PARVA: variants seen among roughly 807,000 people sequenced by gnomAD.
The protein encoded by PARVA is alpha-parvin.
In PARVA, 25 loss-of-function variants were observed where a neutral mutation model predicts 52.6. The observed-to-expected ratio is 0.48, with a 90% CI of 0.35 to 0.66. The LOEUF (loss-of-function observed/expected upper bound fraction) is 0.66. Ranked by LOEUF, PARVA falls within the 30% of genes least tolerant of loss-of-function variation. PARVA has a pLI of 0.01. For missense variants in PARVA, 373 were observed against 450.9 expected (o/e 0.83, Z 1.56); for synonymous variants, 185 against 179.1 (o/e 1.03, Z -0.26).
chr11:12,511,410 C>T, intron 7 of PARVA, 104 bp from the exon 8 acceptor site: 1 of 1,248,416 alleles, frequency 8.0e-7, no homozygotes, highest in Non-Finnish European at 1.2e-6. Context: ...TGGCAGGCAG[C>T]ATGGGGTGGG....
chr11:12,456,825 G>T (rs1233677639), intron 1 of PARVA, among the ~76,000 whole-genome samples: 1 of 152,026 alleles, frequency 6.6e-6, no homozygotes, highest in African/African-American at 2.4e-5. Flanking sequence ...CTGTACTCTG[G>T]GGCTGGTTCT....
intron 1 of PARVA, among the ~76,000 whole-genome samples, chr11:12,429,633 T>C (rs1229976253): frequency 6.6e-6 from 1 of 152,200 alleles, no homozygotes; most frequent in Non-Finnish European, 1.5e-5. Context: ...ATTTCATCAG[T>C]CCACTAACCT....
At position 12,390,795 on chromosome 11, in the gene PARVA, A is replaced by T. The variant is rs114379795; in HGVS notation, c.136+13012A>T. Among the ~76,000 whole-genome samples the T allele has an allele frequency of 3.6e-3, 552 of 152,308 alleles. 1 individual carries two copies. The highest frequency in any genetic ancestry group is 0.013 in the African/African-American group (528 of 41,574). On this transcript the variant is annotated intron_variant, in intron 1 of 12. Transcript: ENST00000334956. ...CCCTGGTGAGGCAGACCTGCAGATG[A>T]CAGGTAATTAATAATGACAGCTGGG...
chr11:12,433,575 T>C (rs575677686), intron 1 of PARVA, among the ~76,000 whole-genome samples: 2 of 152,328 alleles, frequency 1.3e-5, no homozygotes, highest in Non-Finnish European at 2.9e-5. Context: ...AGGCATTTCA[T>C]AGAAGCACTT....
rs780347455 is a variant in PARVA at position 12,473,951 on chromosome 11, C to T, written c.265C>T (p.Arg89Cys). The change falls in exon 3 of 13, where the codon CGC (arginine) becomes TGC (cysteine). Residue 89 changes from arginine (R) to cysteine (C), a missense_variant. Transcript: ENST00000334956. The part of the protein sequence containing the change: ...EVRTMVDPNS[R>C]SDPKLQELMK... ...GCGAACAATGGTGGATCCAAACTCA[C>T]GCAGTGACCCCAAGCTTCAAGAACT... 16 of 1,582,404 alleles carry T rather than the reference C, an allele frequency of 1.0e-5. No homozygotes were observed. In the East Asian group the frequency reaches 1.2e-4, roughly 11 times the overall value.
At chr11:12,515,597 C>T (rs1265472366) in intron 10 of PARVA, among the ~76,000 whole-genome samples, 5 of 152,196 alleles carry the variant, frequency 3.3e-5, no homozygotes, top group East Asian at 3.9e-4. Context: ...AAGCCTGGCA[C>T]TCAGAGCTGT....
At chr11:12,408,411 CA>C (rs1689057279) in intron 1 of PARVA, among the ~76,000 whole-genome samples, 1 of 152,226 alleles carries the variant, frequency 6.6e-6, no homozygotes, top group Admixed American at 6.5e-5. Context: ...TGGGCCACAG[CA>C]GCCTCTCAGG....
At chr11:12,477,521 G>C (rs899079278) in intron 3 of PARVA, among the ~76,000 whole-genome samples, 23 of 152,182 alleles carry the variant, frequency 1.5e-4, no homozygotes, top group Admixed American at 1.4e-3. Context: ...AAGAAGGCCA[G>C]TAGGGCTCAC....
chr11:12,481,052 G>GTGAC (rs1281902301), intron 4 of PARVA, among the ~76,000 whole-genome samples: 2 of 151,298 alleles, frequency 1.3e-5, no homozygotes, highest in African/African-American at 4.8e-5. Context: ...TCATTATAAA[G>GTGAC]TGACTGTTTT....
At chr11:12,497,570 C>T (rs1052882015) in intron 5 of PARVA, among the ~76,000 whole-genome samples, 5 of 152,236 alleles carry the variant, frequency 3.3e-5, no homozygotes, top group African/African-American at 9.6e-5. Flanking sequence ...CCAAGTGCCT[C>T]CTCGGCATAA....
At chr11:12,491,910 G>A (rs1032323264) in intron 4 of PARVA, among the ~76,000 whole-genome samples, 2 of 152,060 alleles carry the variant, frequency 1.3e-5, no homozygotes, top group Non-Finnish European at 2.9e-5. Flanking sequence ...AACACTTAAC[G>A]AAATTTGACT....
At chr11:12,494,656 A>T (rs1317780244) in intron 4 of PARVA, among the ~76,000 whole-genome samples, 1 of 147,288 alleles carries the variant, frequency 6.8e-6, no homozygotes, top group Non-Finnish European at 1.5e-5. Flanking sequence ...CACACCATTT[A>T]AAAAAAAAAA....
chr11:12,427,632 T>C (rs1461552438), intron 1 of PARVA, among the ~76,000 whole-genome samples: 6 of 152,230 alleles, frequency 3.9e-5, no homozygotes, highest in African/African-American at 1.2e-4. Flanking sequence ...TTTGACACTT[T>C]TAAAGGCATA....
intron 1 of PARVA, 22 bp downstream of exon 1, chr11:12,377,805 G>A (rs1939420103): frequency 1.4e-6 from 2 of 1,472,548 alleles, no homozygotes; most frequent in Admixed American, 2.6e-5. Context: ...CAGGCCGGCC[G>A]GGCGGGCGGT....
At chr11:12,437,802 G>C (rs1940406975) in intron 1 of PARVA, among the ~76,000 whole-genome samples, 1 of 152,166 alleles carries the variant, frequency 6.6e-6, no homozygotes, top group South Asian at 2.1e-4. Flanking sequence ...GGCAGAGAGA[G>C]AGTAAAAAGG....
chr11:12,513,823 C>T, intron 9 of PARVA, 174 bp from the exon 10 acceptor site: 1 of 622,134 alleles, frequency 1.6e-6, no homozygotes, highest in Non-Finnish European at 2.9e-6. Flanking sequence ...GCCTGTGGCC[C>T]TCCCTGTGCA....
intron 12 of PARVA, among the ~76,000 whole-genome samples, chr11:12,523,400 A>C (rs563204409): frequency 6.6e-6 from 1 of 152,120 alleles, no homozygotes; most frequent in Admixed American, 6.5e-5. Context: ...GGGTTCAGAG[A>C]CCGTGGGGGA....
rs115815245 is a variant in PARVA, at chr11:12,519,473, T to G, written c.1042+956T>G. Among the ~76,000 whole-genome samples, 659 of 152,234 alleles carry G rather than the reference T, an allele frequency of 4.3e-3. 5 individuals carry two copies. Among genetic ancestry groups the G allele is most frequent in the African/African-American group, 0.015 (626 of 41,556 alleles). ...CAGGGAAGAGAAAAGTTGGAGCCAG[T>G]TAGCAAAATGAAATGACAGTCATGG... On this transcript the variant is annotated intron_variant, in intron 12 of 12. Coordinates refer to ENST00000334956, the MANE Select transcript of PARVA (RefSeq NM_018222.5).
At chr11:12,525,724 G>C (rs1427202444) in intron 12 of PARVA, among the ~76,000 whole-genome samples, 1 of 152,088 alleles carries the variant, frequency 6.6e-6, no homozygotes, top group Admixed American at 6.5e-5. Flanking sequence ...GCCCCAGTTA[G>C]AGGCTCAGAT....
Sources: gnomAD v4.1 joint callset for allele counts (sites outside exome capture counted in the v4.1 genomes callset) on GRCh38, gnomAD v4.1.1 for gene constraint, MANE v1.5 for transcripts, NCBI Gene and HGNC (gene_info 2026-07-23, HGNC 2026-07-21) for gene names.